Variants in MAP3K9 observed in about 807,000 individuals in gnomAD.
MAP3K9 encodes the protein mitogen-activated protein kinase kinase kinase 9.
MAP3K9 carries 46 observed loss-of-function variants against 95.8 expected under a neutral mutation model. That is an observed-to-expected ratio of 0.48 (90% CI 0.38 to 0.61). The LOEUF is 0.61. MAP3K9 is among the 20% of genes least tolerant of loss of function. MAP3K9 has a pLI of 0.00. For synonymous variants in MAP3K9, 533 were observed against 593.8 expected (o/e 0.90, Z 1.49); for missense variants, 1,296 against 1,474.3 (o/e 0.88, Z 1.98).
rs1321603971 is a variant in MAP3K9 at position 70,728,841 on chromosome 14, A to C, written c.*1539T>G. 1 of 152,210 alleles carries C rather than the reference A, an allele frequency of 6.6e-6. No homozygotes were observed. The highest frequency in any genetic ancestry group is 1.5e-5 in the Non-Finnish European group (1 of 68,042). 9.4% of individuals were successfully genotyped at this position (152,210 alleles called of 1,614,324 possible). The stretch of plus-strand genomic sequence containing the variant: ...CCTGCTGAGTGACCTCCAAGACAAA[A>C]GACAGTGGAGCAGCATTCAGAGAGT... On this transcript the variant is annotated 3_prime_UTR_variant, in exon 12 of 12. Coordinates refer to ENST00000554752, the MANE Select transcript of MAP3K9 (RefSeq NM_001284230.2).
chr14:70,767,846 C>T (rs1220796009), intron 2 of MAP3K9, among the ~76,000 whole-genome samples: 1 of 152,142 alleles, frequency 6.6e-6, no homozygotes, highest in Non-Finnish European at 1.5e-5. Flanking sequence ...CACCACCAAC[C>T]CCAGCTAATT....
intron 2 of MAP3K9, among the ~76,000 whole-genome samples, chr14:70,793,845 C>T (rs377113966): frequency 1.3e-5 from 2 of 152,130 alleles, no homozygotes; most frequent in Admixed American, 6.6e-5. Flanking sequence ...CAGGCCAGCA[C>T]GGTGTTTTGT....
chr14:70,779,988 C>T (rs976310384), intron 2 of MAP3K9, among the ~76,000 whole-genome samples: 1 of 152,234 alleles, frequency 6.6e-6, no homozygotes, highest in African/African-American at 2.4e-5. Context: ...CTTGATCCTT[C>T]AGACAGGCAC....
chr14:70,764,740 G>A (rs1314697192), intron 2 of MAP3K9, among the ~76,000 whole-genome samples: 2 of 151,760 alleles, frequency 1.3e-5, no homozygotes, highest in Non-Finnish European at 2.9e-5. Flanking sequence ...GCTGAGGTAG[G>A]AGGATCACTT....
chr14:70,795,087 G>A (rs369933618), intron 2 of MAP3K9, among the ~76,000 whole-genome samples: 33 of 137,766 alleles, frequency 2.4e-4, no homozygotes, highest in Admixed American at 1.7e-3. Flanking sequence ...TCCGCCTCCC[G>A]GGTTCAAGTG....
At chr14:70,798,059 C>T (rs2054884283) in intron 2 of MAP3K9, among the ~76,000 whole-genome samples, 2 of 152,306 alleles carry the variant, frequency 1.3e-5, no homozygotes, top group South Asian at 2.1e-4. Flanking sequence ...CTAAAACCCA[C>T]ATAAGGAAAA....
chr14:70,782,449 C>T (rs552183674), intron 2 of MAP3K9, among the ~76,000 whole-genome samples: 92 of 152,218 alleles, frequency 6.0e-4, no homozygotes, highest in Non-Finnish European at 1.1e-3. Flanking sequence ...GAGGAGGAAG[C>T]GGTACAAGCC....
Position 70,730,306 on chromosome 14 carries a change from G to A in MAP3K9, c.*74C>T. On this transcript the variant is annotated 3_prime_UTR_variant, in exon 12 of 12. Transcript: ENST00000554752. ...GCTGGATCTCAGGGGGTCCAACCCT[G>A]AGAAAGGGCTGTGCCCGCCAGCTCC... is the stretch of plus-strand genomic sequence containing the variant. 1 of 1,537,506 alleles carries A rather than the reference G, an allele frequency of 6.5e-7. No individual in the cohort carries two copies.
intron 1 of MAP3K9, among the ~76,000 whole-genome samples, chr14:70,803,424 A>C (rs1023241972): frequency 1.3e-5 from 2 of 151,948 alleles, no homozygotes; most frequent in Non-Finnish European, 2.9e-5. Context: ...ACTGAAAAAA[A>C]AAAAACTAAG....
chr14:70,764,325 T>C (rs890135698), intron 2 of MAP3K9, among the ~76,000 whole-genome samples: 2 of 135,290 alleles, frequency 1.5e-5, no homozygotes, highest in Admixed American at 7.6e-5. Flanking sequence ...AGGAACAAGA[T>C]GTAGAGGTGG....
Position 70,748,770 on chromosome 14 carries a change from T to C in MAP3K9, c.1326+59A>G, listed in dbSNP as rs960328441. On this transcript the variant is annotated intron_variant, in intron 5 of 11. Coordinates refer to ENST00000554752, the MANE Select transcript of MAP3K9 (RefSeq NM_001284230.2). ...GTCCCTGTGAGTGAGGTCTACCAAT[T>C]CAATGCATGCCTTTTTTCTTTTCGT... The C allele has an allele frequency of 3.4e-5, 48 of 1,422,882 alleles. No individual in the cohort carries two copies. The Admixed American group carries it at 9.5e-4, about 28-fold the overall frequency. The allele number at this position is 1,422,882 out of a possible 1,614,324, so 88.1% of individuals were successfully genotyped here. A position where few individuals can be genotyped will look rare whatever the true frequency, so the allele number is the denominator to read the frequency against.
At chr14:70,786,877 T>A (rs2054751361) in intron 2 of MAP3K9, among the ~76,000 whole-genome samples, 1 of 152,232 alleles carries the variant, frequency 6.6e-6, no homozygotes, top group African/African-American at 2.4e-5. Context: ...CTCTTATTTA[T>A]TGTTTTTATT....
chr14:70,808,439 C>CGGGGG (rs34783118), intron 1 of MAP3K9, among the ~76,000 whole-genome samples: 14 of 83,922 alleles, frequency 1.7e-4, no homozygotes, highest in East Asian at 6.2e-4. Flanking sequence ...TGGGGGGCGG[C>CGGGGG]GGGGGGGTGG....
chr14:70,789,702 A>G (rs1360937625), intron 2 of MAP3K9, among the ~76,000 whole-genome samples: 1 of 152,186 alleles, frequency 6.6e-6, no homozygotes, highest in Admixed American at 6.5e-5. Context: ...TTAAGGGGAA[A>G]ATGTTTTCTT....
intron 9 of MAP3K9, among the ~76,000 whole-genome samples, chr14:70,735,355 C>T (rs1241230577): frequency 7.1e-6 from 1 of 140,622 alleles, no homozygotes; most frequent in Non-Finnish European, 1.5e-5. Flanking sequence ...GGGATTATGA[C>T]CAGAGTGGCT....
chr14:70,761,256 C>G (rs2054371074), intron 2 of MAP3K9, 74 bp from the exon 3 acceptor site: 1 of 1,278,276 alleles, frequency 7.8e-7, no homozygotes, highest in Non-Finnish European at 1.1e-6. Flanking sequence ...CAGAACTCTT[C>G]TGCCATCCTC....
At chr14:70,791,758 A>G (rs1397746335) in intron 2 of MAP3K9, among the ~76,000 whole-genome samples, 1 of 152,158 alleles carries the variant, frequency 6.6e-6, no homozygotes, top group Non-Finnish European at 1.5e-5. Flanking sequence ...TGCTCATGGT[A>G]CTCACCACAG....
At position 70,735,944 on chromosome 14, in the gene MAP3K9, G is replaced by A. The variant is rs770915012; in HGVS notation, c.1913+17C>T. On this transcript the variant is annotated intron_variant, in intron 9 of 11. Transcript: ENST00000554752. ...TGTTACCAGGACAGCTGGTGAAAGG[G>A]TGAAGATGAGACTCACCCCAAGTGG... 2 of 1,586,250 alleles carry A rather than the reference G, an allele frequency of 1.3e-6. No individual in the cohort carries two copies. Among genetic ancestry groups the A allele is most frequent in the Non-Finnish European group, 8.7e-7 (1 of 1,154,708 alleles).
At chr14:70,804,790 CTT>C (rs1566771735) in intron 1 of MAP3K9, among the ~76,000 whole-genome samples, 1 of 152,174 alleles carries the variant, frequency 6.6e-6, no homozygotes, top group Admixed American at 6.5e-5. Flanking sequence ...AATAACCTCT[CTT>C]TGAGTAGAAC....
Sources: allele counts gnomAD v4.1 joint callset (sites outside exome capture counted in the v4.1 genomes callset), GRCh38; gene constraint gnomAD v4.1.1; transcripts MANE v1.5; gene names NCBI Gene and HGNC (gene_info 2026-07-23, HGNC 2026-07-21).